ZNF329: variants seen among roughly 807,000 people sequenced by gnomAD.
The protein encoded by ZNF329 is zinc finger protein 329.
A neutral mutation model predicts 26.6 loss-of-function variants in ZNF329; 15 were observed. The ratio of observed to expected loss-of-function variants is 0.56; its 90% CI spans 0.38 to 0.87. The LOEUF is 0.87. Among genes scored for constraint, ZNF329 ranks in the 40% least tolerant of loss-of-function variants. ZNF329 has a pLI of 0.00. For missense variants in ZNF329, 651 were observed against 651.9 expected (o/e 1.00, Z 0.02); for synonymous variants, 239 against 233.5 (o/e 1.02, Z -0.21).
upstream of ZNF329, chr19:58,154,942 G>A (rs1343363719): frequency 3.9e-5 from 6 of 152,414 alleles, no homozygotes. Context: ...CGGCGGAGCC[G>A]AGGCCGCGAC....
intron 1 of ZNF329, among the ~76,000 whole-genome samples, chr19:58,144,128 A>C (rs544336412): frequency 6.6e-6 from 1 of 152,160 alleles, no homozygotes; most frequent in African/African-American, 2.4e-5. Flanking sequence ...AATATCTTTG[A>C]GTTATCAGAG....
At chr19:58,153,871 G>C (rs2075499737), upstream of ZNF329, among the ~76,000 whole-genome samples, 1 of 151,974 alleles carries the variant, frequency 6.6e-6, no homozygotes, top group Admixed American at 6.6e-5. Flanking sequence ...ACCATGCCTG[G>C]CTAATTTTTT....
intron 1 of ZNF329, among the ~76,000 whole-genome samples, chr19:58,145,712 A>G (rs952364807): frequency 2.0e-5 from 3 of 152,188 alleles, no homozygotes; most frequent in Admixed American, 2.0e-4. Context: ...CACCATGAAC[A>G]TAAGATTAAA....
intron 1 of ZNF329, among the ~76,000 whole-genome samples, chr19:58,144,398 T>A (rs551054794): frequency 9.3e-4 from 95 of 102,576 alleles, no homozygotes; most frequent in Middle Eastern, 5.8e-3. Context: ...ATATATATAT[T>A]TTTTTTTTGA....
chr19:58,129,569 C>CA, intron 3 of ZNF329, 58 bp from the exon 4 acceptor site: 8 of 1,427,702 alleles, frequency 5.6e-6, no homozygotes, highest in Non-Finnish European at 7.6e-6. Context: ...GTAAGAGAAA[C>CA]AGACAATGAT....
At position 58,128,748 on chromosome 19, in the gene ZNF329, G is replaced by T; in HGVS notation, c.756C>A (p.Ile252=). ...ATTCATAGGGCTTCTCTCCTGTGTG[G>T]ATTCTTTGATGCACAATCAGGTTGT... ...KNYNLIVHQR[I]HTGEKPYECS... Residue 252 remains isoleucine, a synonymous_variant, in exon 4 of 4, where the codon ATC becomes ATA. Transcript: ENST00000598312. The T allele has an allele frequency of 1.2e-6, 2 of 1,605,558 alleles. No homozygotes were observed. Among genetic ancestry groups the T allele is most frequent in the Non-Finnish European group, 1.7e-6 (2 of 1,176,174 alleles).
rs567926613 is a variant in ZNF329 at position 58,136,884 on chromosome 19, C to T, written c.-9+5673G>A. ...TGGGATGTGGGTAACGCATGGTGCCCTCAGAATGGTCTTGTTGGCTTCACT... is the reference window on the plus strand; with the variant it reads ...TGGGATGTGGGTAACGCATGGTGCCTTCAGAATGGTCTTGTTGGCTTCACT... On this transcript the variant is annotated intron_variant, in intron 3 of 3. Coordinates refer to ENST00000598312, the MANE Select transcript of ZNF329 (RefSeq NM_024620.4). 244 of 178,232 alleles carry T rather than the reference C, an allele frequency of 1.4e-3. 2 individuals are homozygous for T. The highest frequency in any genetic ancestry group is 2.4e-3 in the Non-Finnish European group (190 of 79,228). 11.0% of individuals were successfully genotyped at this position (178,232 alleles called of 1,614,324 possible).
intron 3 of ZNF329, among the ~76,000 whole-genome samples, chr19:58,137,837 G>C (rs969244259): frequency 4.0e-5 from 6 of 148,414 alleles, no homozygotes; most frequent in African/African-American, 1.5e-4. Flanking sequence ...AAAAAAGCCA[G>C]GCGTACTGGT....
At chr19:58,132,035 A>AG (rs1396839414) in intron 3 of ZNF329, among the ~76,000 whole-genome samples, 2 of 151,942 alleles carry the variant, frequency 1.3e-5, no homozygotes, top group East Asian at 3.9e-4. Flanking sequence ...AAAAAAAAAA[A>AG]AAAGAAAGAA....
chr19:58,139,244 C>T (rs1443355126), intron 3 of ZNF329, among the ~76,000 whole-genome samples: 1 of 151,754 alleles, frequency 6.6e-6, no homozygotes, highest in African/African-American at 2.4e-5. Context: ...GAAAACACAA[C>T]CCACCAAATG....
At chr19:58,139,249 C>T (rs1281800330) in intron 3 of ZNF329, among the ~76,000 whole-genome samples, 1 of 151,728 alleles carries the variant, frequency 6.6e-6, no homozygotes, top group African/African-American at 2.4e-5. Flanking sequence ...CACAACCCAC[C>T]AAATGGGAGA....
At position 58,128,705 on chromosome 19, in the gene ZNF329, C is replaced by G; in HGVS notation, c.799G>C (p.Ala267Pro). 1.2e-6 allele frequency: 2 copies of G among 1,606,896 alleles called. No homozygotes were observed. Among genetic ancestry groups the G allele is most frequent in the Non-Finnish European group, 1.7e-6 (2 of 1,176,628 alleles). The change falls in exon 4 of 4, where the codon GCT becomes CCT. Residue 267 changes from alanine to proline, a missense_variant. By Grantham distance (27) the Ala-to-Pro change is conservative. Coordinates refer to ENST00000598312, the MANE Select transcript of ZNF329 (RefSeq NM_024620.4). The part of the protein sequence containing the change: ...KPYECSKCGK[A>P]FSDGSALTQH... ...GTCAGAGCTGAGCCATCACTGAAAG[C>G]TTTCCCACATTTACTGCATTCATAG...
upstream of ZNF329, among the ~76,000 whole-genome samples, chr19:58,153,667 T>C (rs1238753645): frequency 6.6e-6 from 1 of 152,184 alleles, no homozygotes; most frequent in Non-Finnish European, 1.5e-5. Flanking sequence ...TAGGAGACTT[T>C]CTACATCAAG....
intron 3 of ZNF329, among the ~76,000 whole-genome samples, chr19:58,130,857 G>A (rs1404021580): frequency 6.6e-6 from 1 of 152,004 alleles, no homozygotes; most frequent in Non-Finnish European, 1.5e-5. Flanking sequence ...TCATTCATTT[G>A]GTGGGATCGG....
intron 1 of ZNF329, among the ~76,000 whole-genome samples, chr19:58,145,614 G>A (rs1056150528): frequency 3.9e-5 from 6 of 152,070 alleles, no homozygotes; most frequent in East Asian, 1.9e-4. Context: ...GAGCCACTGC[G>A]CCAAGCCAAA....
intron 1 of ZNF329, among the ~76,000 whole-genome samples, chr19:58,144,169 G>A (rs919728407): frequency 6.6e-6 from 1 of 151,886 alleles, no homozygotes; most frequent in Non-Finnish European, 1.5e-5. Flanking sequence ...TTTTGTTGTT[G>A]TTATTTTTTA....
Position 58,129,480 on chromosome 19 carries a change from C to T in ZNF329, c.24G>A (p.Arg8=), listed in dbSNP as rs2074888376. The change falls in exon 4 of 4, where the codon CGG becomes CGA. Residue 8 remains arginine, a synonymous_variant. Transcript: ENST00000598312. MRLKMTT[R]NFPEREVPCD... Reference sequence around the variant, plus strand: ...AGGGTACTTCTCTCTCAGGAAAATTCCGAGTCGTCATTTTCAATCTCATAT... The same window carrying T: ...AGGGTACTTCTCTCTCAGGAAAATTTCGAGTCGTCATTTTCAATCTCATAT... 2 of 1,595,624 alleles carry T rather than the reference C, an allele frequency of 1.3e-6. No homozygotes were observed. The highest frequency in any genetic ancestry group is 1.1e-5 in the South Asian group (1 of 89,504).
chr19:58,135,697 A>C (rs1237554906), intron 3 of ZNF329, among the ~76,000 whole-genome samples: 1 of 152,206 alleles, frequency 6.6e-6, no homozygotes, highest in Non-Finnish European at 1.5e-5. Context: ...ATTAAAATAA[A>C]ATGCTTTCTT....
chr19:58,131,296 G>C (rs561857336), intron 3 of ZNF329, among the ~76,000 whole-genome samples: 7 of 152,104 alleles, frequency 4.6e-5, no homozygotes, highest in Non-Finnish European at 8.8e-5. Context: ...TGTAATCCCA[G>C]CACTCTGGGA....
Sources: gnomAD v4.1 joint callset for allele counts (sites outside exome capture counted in the v4.1 genomes callset) on GRCh38, gnomAD v4.1.1 for gene constraint, MANE v1.5 for transcripts, NCBI Gene and HGNC (gene_info 2026-07-23, HGNC 2026-07-21) for gene names.